Variants in ANK3 observed in about 807,000 individuals in gnomAD.
The protein encoded by ANK3 is ankyrin-3.
Under a neutral mutation model 370.9 loss-of-function variants are expected in ANK3, and 57 were observed. The ratio of observed to expected loss-of-function variants is 0.15; its 90% CI spans 0.12 to 0.19. ANK3 has a LOEUF of 0.19. ANK3 is among the 10% of genes least tolerant of loss of function. The probability of loss-of-function intolerance (pLI) is 1.00; values close to 1 mark genes in which losing one functional copy is unlikely to be tolerated. For synonymous variants in ANK3, 1,929 were observed against 1,946.3 expected (o/e 0.99, Z 0.23); for missense variants, 4,439 against 5,302.1 (o/e 0.84, Z 5.06).
chr10:60,115,297 T>C (rs1028262693), intron 25 of ANK3, among the ~76,000 whole-genome samples: 1 of 152,220 alleles, frequency 6.6e-6, no homozygotes, highest in African/African-American at 2.4e-5. Flanking sequence ...AAAATCTTAA[T>C]TGAATTAAAA....
chr10:60,153,339 C>T (rs1424600188), intron 23 of ANK3, among the ~76,000 whole-genome samples: 1 of 151,984 alleles, frequency 6.6e-6, no homozygotes, highest in Admixed American at 6.6e-5. Flanking sequence ...CTGCAGTATT[C>T]CATGTGAGAG....
intron 2 of ANK3, among the ~76,000 whole-genome samples, chr10:60,431,107 T>C (rs969954272): frequency 2.0e-5 from 3 of 152,190 alleles, no homozygotes; most frequent in Non-Finnish European, 4.4e-5. Context: ...TATTAATACA[T>C]TGTAATATAC....
At chr10:60,156,162 C>A (rs2095322400) in intron 23 of ANK3, among the ~76,000 whole-genome samples, 1 of 152,174 alleles carries the variant, frequency 6.6e-6, no homozygotes, top group Non-Finnish European at 1.5e-5. Flanking sequence ...GTCACTCATC[C>A]CCCAATTCCA....
At chr10:60,650,457 C>T (rs1055389706) in intron 1 of ANK3, among the ~76,000 whole-genome samples, 4 of 151,734 alleles carry the variant, frequency 2.6e-5, no homozygotes, top group African/African-American at 9.7e-5. Flanking sequence ...TGAATAAGAT[C>T]CATGCCCTTT....
chr10:60,153,378 A>C (rs909528942), intron 23 of ANK3, among the ~76,000 whole-genome samples: 1 of 152,006 alleles, frequency 6.6e-6, no homozygotes, highest in African/African-American at 2.4e-5. Flanking sequence ...GGGTGGTGAA[A>C]ATGGAGATGG....
intron 23 of ANK3, among the ~76,000 whole-genome samples, chr10:60,149,023 C>T (rs950891969): frequency 2.0e-5 from 3 of 152,238 alleles, no homozygotes; most frequent in African/African-American, 7.2e-5. Context: ...TAAAGAAGTA[C>T]CAGGCTCGTG....
chr10:60,526,147 C>T (rs922784394), intron 2 of ANK3, among the ~76,000 whole-genome samples: 6 of 152,022 alleles, frequency 3.9e-5, no homozygotes, highest in African/African-American at 1.2e-4. Flanking sequence ...TGCATAATTC[C>T]CTTAGTTAAC....
At position 60,093,520 on chromosome 10, in the gene ANK3, T is replaced by C. The variant is rs1032456797; in HGVS notation, c.3329-5162A>G. Among the ~76,000 whole-genome samples, 4 of 152,336 alleles carry C rather than the reference T, an allele frequency of 2.6e-5. No individual in the cohort carries two copies. In the East Asian group the frequency reaches 7.7e-4, roughly 29 times the overall value. ...GGAACTGAGGCATCTTTTGGGGAAC[T>C]GGAAGTACTGTACACTTCTTAGCTA... On this transcript the variant is annotated intron_variant, in intron 28 of 43. Transcript: ENST00000280772.
chr10:60,036,496 C>G (rs1188947337), intron 43 of ANK3, among the ~76,000 whole-genome samples: 1 of 124,042 alleles, frequency 8.1e-6, no homozygotes, highest in Non-Finnish European at 1.6e-5. Flanking sequence ...AGTGCAGTGG[C>G]AAGATCTAGG....
At chr10:60,579,612 C>T (rs1165071685) in intron 2 of ANK3, among the ~76,000 whole-genome samples, 1 of 151,984 alleles carries the variant, frequency 6.6e-6, no homozygotes, top group Non-Finnish European at 1.5e-5. Context: ...TCATTATTAA[C>T]CCTCAGAGTA....
chr10:60,487,003 G>A (rs932542312), intron 2 of ANK3, among the ~76,000 whole-genome samples: 6 of 152,028 alleles, frequency 3.9e-5, no homozygotes, highest in Non-Finnish European at 2.9e-5. Context: ...TTAAGTTGAG[G>A]AGCCATATGT....
intron 1 of ANK3, among the ~76,000 whole-genome samples, chr10:60,689,302 G>A (rs532113214): frequency 6.6e-6 from 1 of 152,206 alleles, no homozygotes; most frequent in Non-Finnish European, 1.5e-5. Flanking sequence ...GGGAGGTTGA[G>A]GTAGGAGGAT....
chr10:60,703,426 C>T (rs2079571085), intron 1 of ANK3, among the ~76,000 whole-genome samples: 1 of 152,038 alleles, frequency 6.6e-6, no homozygotes, highest in Admixed American at 6.6e-5. Context: ...AGTCATGTGT[C>T]TATAATTGTT....
chr10:60,105,862 C>T, intron 28 of ANK3, 43 bp downstream of exon 28: 1 of 1,537,570 alleles, frequency 6.5e-7, no homozygotes, highest in East Asian at 2.4e-5. Context: ...CCTTTAATTT[C>T]TGCCTGCAGA....
chr10:60,233,119 C>T (rs2097272921), intron 8 of ANK3, among the ~76,000 whole-genome samples: 1 of 152,208 alleles, frequency 6.6e-6, no homozygotes, highest in African/African-American at 2.4e-5. Context: ...TTAATACTAA[C>T]TGGAGCTCTG....
At chr10:60,184,666 C>G (rs1375985646) in intron 17 of ANK3, among the ~76,000 whole-genome samples, 2 of 152,128 alleles carry the variant, frequency 1.3e-5, no homozygotes, top group African/African-American at 4.8e-5. Context: ...TCTACTAAAA[C>G]AAGCACTGAG....
intron 23 of ANK3, among the ~76,000 whole-genome samples, chr10:60,141,543 G>A: frequency 6.9e-6 from 1 of 145,092 alleles, no homozygotes; most frequent in African/African-American, 2.7e-5. Flanking sequence ...GTACACTGGA[G>A]AGGCCATTTC....
chr10:60,234,954 C>T (rs2097306014), intron 7 of ANK3, among the ~76,000 whole-genome samples, 168 bp from the exon 8 acceptor site: 1 of 152,120 alleles, frequency 6.6e-6, no homozygotes, highest in Non-Finnish European at 1.5e-5. Flanking sequence ...CAGAAGGAGA[C>T]TTTAAAAAGG....
intron 2 of ANK3, among the ~76,000 whole-genome samples, chr10:60,434,966 C>A (rs1471297329): frequency 6.6e-6 from 1 of 152,110 alleles, no homozygotes; most frequent in East Asian, 1.9e-4. Context: ...AAATGCCCAA[C>A]AGAAGTAAAT....
Sources: allele counts gnomAD v4.1 joint callset (sites outside exome capture counted in the v4.1 genomes callset), GRCh38; gene constraint gnomAD v4.1.1; transcripts MANE v1.5; gene names NCBI Gene and HGNC (gene_info 2026-07-23, HGNC 2026-07-21).